TWIST2: variants seen among roughly 807,000 people sequenced by gnomAD.
TWIST2 encodes the protein twist-related protein 2.
In TWIST2, 1 loss-of-function variant was observed where a neutral mutation model predicts 11.6. The observed-to-expected ratio is 0.09, with a 90% confidence interval of 0.03 to 0.41. TWIST2 has a LOEUF of 0.41. TWIST2 is among the 10% of genes least tolerant of loss of function. The pLI is 0.98. For missense variants in TWIST2, 168 were observed against 226.4 expected (o/e 0.74, Z 1.66); for synonymous variants, 87 against 96.6 (o/e 0.90, Z 0.58).
At chr2:238,892,490 G>GTT (rs200697333) in intron 1 of TWIST2, among the ~76,000 whole-genome samples, 3 of 151,700 alleles carry the variant, frequency 2.0e-5, no homozygotes, top group African/African-American at 7.3e-5. Context: ...TTTTGTTTTT[G>GTT]TTTTTTTTGA....
chr2:238,871,637 C>T (rs1466775886), intron 1 of TWIST2, among the ~76,000 whole-genome samples: 9 of 127,862 alleles, frequency 7.0e-5, no homozygotes, highest in Non-Finnish European at 1.5e-4. Context: ...ACCACACACC[C>T]CACACACAAA....
intron 1 of TWIST2, among the ~76,000 whole-genome samples, chr2:238,868,707 G>A (rs555073569): frequency 6.6e-6 from 1 of 152,386 alleles, no homozygotes; most frequent in East Asian, 1.9e-4. Context: ...ACCATGACCA[G>A]TATCCTCTGT....
Position 238,896,149 on chromosome 2 carries a change from GGA to G in TWIST2, c.*36-13687_*36-13686del, listed in dbSNP as rs1207113273. 4.9e-3 allele frequency among the ~76,000 whole-genome samples: 750 copies of G among 152,324 alleles called. 7 individuals are homozygous for G. Among genetic ancestry groups the G allele is most frequent in the African/African-American group, 0.017 (692 of 41,572 alleles). On this transcript the variant is annotated intron_variant, in intron 1 of 1. Transcript: ENST00000612363. ...GTCAGAGGCATGAGTCACGGAGGGG[GGA>G]GAGAGGGGCGGGGATCCGGAAGACG...
At chr2:238,871,672 C>T (rs1236923204) in intron 1 of TWIST2, among the ~76,000 whole-genome samples, 2 of 23,066 alleles carry the variant, frequency 8.7e-5, no homozygotes, top group African/African-American at 2.0e-4. Flanking sequence ...ACACCATCAC[C>T]CCCCCCCAAC....
rs1250541262 is a variant in TWIST2 at position 238,863,220 on chromosome 2, A to T, written c.*35+14487A>T. 6.6e-6 allele frequency among the ~76,000 whole-genome samples: 1 copy of T among 152,018 alleles called. No homozygotes were observed. Among genetic ancestry groups the T allele is most frequent in the Admixed American group, 6.6e-5 (1 of 15,266 alleles). On this transcript the variant is annotated intron_variant, in intron 1 of 1. Coordinates refer to ENST00000612363, the MANE Select transcript of TWIST2 (RefSeq NM_001271893.4). The surrounding 1 kb of genome is among the most constrained non-coding windows in gnomAD (Gnocchi z 4.7). Reference sequence around the variant, plus strand: ...TCCCATCATAAGGTGGTGCAGTGAAAATACAGCTGCCATCCACATAGGAAT... The same window carrying T: ...TCCCATCATAAGGTGGTGCAGTGAATATACAGCTGCCATCCACATAGGAAT...
intron 1 of TWIST2, among the ~76,000 whole-genome samples, chr2:238,880,450 GTATT>G (rs1158468525): frequency 1.8e-5 from 2 of 111,620 alleles, no homozygotes; most frequent in Non-Finnish European, 1.8e-5. Context: ...GTTAGTGTTA[GTATT>G]TATTAGTATT....
intron 1 of TWIST2, among the ~76,000 whole-genome samples, chr2:238,855,094 C>T (rs1335233443): frequency 2.0e-5 from 3 of 152,188 alleles, no homozygotes; most frequent in East Asian, 1.9e-4. Flanking sequence ...AGTGCACAGG[C>T]GCAGCGCAAG....
rs374530004 is a variant in TWIST2 at position 238,864,528 on chromosome 2, C to T, written c.*35+15795C>T. ...TTGGAGGCGGCTCCCAGTTCCAAGG[C>T]GCGCCCCACCCGGCCCCCAGGCCAG... is the stretch of plus-strand genomic sequence containing the variant. On this transcript the variant is annotated intron_variant, in intron 1 of 1. Coordinates refer to ENST00000612363, the MANE Select transcript of TWIST2 (RefSeq NM_001271893.4). The surrounding 1 kb of genome is among the most constrained non-coding windows in gnomAD (Gnocchi z 4.7). Among the ~76,000 whole-genome samples, 6 of 151,660 alleles carry T rather than the reference C, an allele frequency of 4.0e-5. No individual in the cohort carries two copies. In the South Asian group the frequency reaches 6.3e-4, roughly 16 times the overall value.
chr2:238,904,279 TGTA>T (rs1239133948), intron 1 of TWIST2, among the ~76,000 whole-genome samples: 111 of 134,868 alleles, frequency 8.2e-4, no homozygotes, highest in East Asian at 7.0e-4. Context: ...GTGTGTTTGA[TGTA>T]GTGTGTGTGT....
intron 1 of TWIST2, among the ~76,000 whole-genome samples, chr2:238,872,139 C>T (rs899874891): frequency 2.6e-5 from 4 of 152,220 alleles, no homozygotes; most frequent in Non-Finnish European, 5.9e-5. Flanking sequence ...GGGGGGGTCC[C>T]ACAGTGGGTC....
intron 1 of TWIST2, among the ~76,000 whole-genome samples, chr2:238,879,742 C>T (rs1559278081): frequency 6.6e-6 from 1 of 152,246 alleles, no homozygotes; most frequent in Non-Finnish European, 1.5e-5. Context: ...CCTTGCCCCA[C>T]ACAGGCAGTA....
At chr2:238,876,478 G>A (rs1221155607) in intron 1 of TWIST2, among the ~76,000 whole-genome samples, 1 of 152,166 alleles carries the variant, frequency 6.6e-6, no homozygotes, top group African/African-American at 2.4e-5. Context: ...CAGAGACAAA[G>A]TCCCGCCTTC....
intron 1 of TWIST2, among the ~76,000 whole-genome samples, chr2:238,896,551 G>A (rs971500126): frequency 3.3e-5 from 5 of 152,274 alleles, no homozygotes; most frequent in East Asian, 3.9e-4. Flanking sequence ...ACCTGAACAC[G>A]TCCTGAGCCA....
intron 1 of TWIST2, among the ~76,000 whole-genome samples, chr2:238,869,782 A>G (rs1692613040): frequency 2.6e-5 from 4 of 152,168 alleles, no homozygotes; most frequent in Admixed American, 2.6e-4. Flanking sequence ...CATCTGTACA[A>G]AAATGAAAAT....
intron 1 of TWIST2, among the ~76,000 whole-genome samples, chr2:238,869,611 C>T (rs1692609576): frequency 6.6e-6 from 1 of 152,206 alleles, no homozygotes; most frequent in Non-Finnish European, 1.5e-5. Flanking sequence ...CTTGACACTA[C>T]CACCCATCAG....
intron 1 of TWIST2, among the ~76,000 whole-genome samples, chr2:238,907,166 G>C (rs936381000): frequency 0.07 from 10,628 of 152,190 alleles, 691 homozygotes; most frequent in African/African-American, 0.17. Flanking sequence ...GGCGCGGCGC[G>C]GGGCCCACCT....
chr2:238,870,308 C>A (rs922076860), intron 1 of TWIST2, among the ~76,000 whole-genome samples: 1 of 1,178 alleles, frequency 8.5e-4, no homozygotes, highest in Non-Finnish European at 3.4e-3. Flanking sequence ...CCCCACACAC[C>A]CCACACACCC....
chr2:238,851,889 C>T (rs930104892), intron 1 of TWIST2, among the ~76,000 whole-genome samples: 1 of 152,144 alleles, frequency 6.6e-6, no homozygotes, highest in Non-Finnish European at 1.5e-5. Flanking sequence ...GGTCTTTCCC[C>T]TTAAATATCA....
At chr2:238,899,323 C>A (rs968225832) in intron 1 of TWIST2, among the ~76,000 whole-genome samples, 327 of 152,388 alleles carry the variant, frequency 2.1e-3, no homozygotes, top group African/African-American at 7.2e-3. Context: ...CAGCTCCTTG[C>A]TCTCTTGGGC....
Sources: allele counts gnomAD v4.1 joint callset (sites outside exome capture counted in the v4.1 genomes callset), GRCh38; gene constraint gnomAD v4.1.1; non-coding constraint Gnocchi (gnomAD v3.1); transcripts MANE v1.5; gene names NCBI Gene and HGNC (gene_info 2026-07-23, HGNC 2026-07-21).